The following KDM5A variants were observed in gnomAD, a reference collection of about 807,000 sequenced individuals.
KDM5A encodes the protein lysine demethylase 5A, also known as lysine-specific demethylase 5A.
In KDM5A, 42 loss-of-function variants were observed where a neutral mutation model predicts 193.5. That is an observed-to-expected ratio of 0.22 (90% CI 0.17 to 0.28). The LOEUF is 0.28. Ranked by LOEUF, KDM5A falls within the 10% of genes least tolerant of loss-of-function variation. The pLI is 1.00. For synonymous variants in KDM5A, 796 were observed against 718.1 expected (o/e 1.11, Z -1.73); for missense variants, 1,692 against 2,055.1 (o/e 0.82, Z 3.42).
chr12:356,948 T>C (rs1438639792), intron 5 of KDM5A, among the ~76,000 whole-genome samples: 1 of 152,088 alleles, frequency 6.6e-6, no homozygotes, highest in Non-Finnish European at 1.5e-5. Context: ...CATTAAAAAA[T>C]TGTACTGGAA....
intron 24 of KDM5A, 90 bp downstream of exon 24, chr12:306,856 G>T (rs2137386104): frequency 8.2e-7 from 1 of 1,212,948 alleles, no homozygotes; most frequent in Non-Finnish European, 1.2e-6. Flanking sequence ...TCACTTTCAG[G>T]CCTCAAACAT....
intron 14 of KDM5A, among the ~76,000 whole-genome samples, chr12:327,428 G>C (rs932540602): frequency 6.6e-6 from 1 of 152,180 alleles, no homozygotes; most frequent in African/African-American, 2.4e-5. Flanking sequence ...TACAAGTATA[G>C]GCCGGGCACA....
At chr12:342,074 T>C (rs960821721) in intron 10 of KDM5A, among the ~76,000 whole-genome samples, 5 of 152,184 alleles carry the variant, frequency 3.3e-5, no homozygotes, top group African/African-American at 1.2e-4. Flanking sequence ...AATTATATGC[T>C]ATCTACAAGA....
In KDM5A at chr12:323,102, G is replaced by A. The variant is rs1438561587; in HGVS notation, c.2255C>T (p.Ala752Val). The change falls in exon 16 of 28, where the codon GCT becomes GTT. Residue 752 changes from alanine to valine, a missense_variant. By Grantham distance (64) the Ala-to-Val change is moderately conservative (BLOSUM62 0). Transcript: ENST00000399788. Reference sequence around the variant, plus strand: ...TTAACCTTTTTTGTGGTTGAAGTTAGCAGACAATGCTTCTGTAACACGACT... The same window carrying A: ...TTAACCTTTTTTGTGGTTGAAGTTAACAGACAATGCTTCTGTAACACGACT... ...WVSRVTEALS[A>V]NFNHKKDLIE... 6.2e-7 allele frequency: 1 copy of A among 1,604,362 alleles called. No individual in the cohort carries two copies. Among genetic ancestry groups the A allele is most frequent in the Non-Finnish European group, 8.5e-7 (1 of 1,175,760 alleles).
intron 24 of KDM5A, among the ~76,000 whole-genome samples, chr12:304,315 G>T (rs1943477949): frequency 6.6e-6 from 1 of 152,010 alleles, no homozygotes; most frequent in African/African-American, 2.4e-5. Context: ...TTTAAGTTAT[G>T]AATTTATGGT....
At chr12:292,171 T>G (rs1430220991) in intron 27 of KDM5A, among the ~76,000 whole-genome samples, 1 of 152,344 alleles carries the variant, frequency 6.6e-6, no homozygotes, top group East Asian at 1.9e-4. Flanking sequence ...CCCAAAGTGC[T>G]GGGATTACAG....
chr12:337,233 T>C (rs183244691), intron 10 of KDM5A, among the ~76,000 whole-genome samples: 2 of 152,344 alleles, frequency 1.3e-5, no homozygotes, highest in African/African-American at 4.8e-5. Flanking sequence ...CCATGCTACC[T>C]GTTCAGCCTG....
chr12:308,125 G>GC (rs1943536013), intron 22 of KDM5A, 120 bp from the exon 23 acceptor site: 21 of 1,153,778 alleles, frequency 1.8e-5, no homozygotes, highest in Non-Finnish European at 2.3e-5. Flanking sequence ...TTCCTAAAAT[G>GC]TGGGGCCCCT....
intron 10 of KDM5A, among the ~76,000 whole-genome samples, chr12:341,110 TA>T (rs1386411034): frequency 2.0e-5 from 3 of 152,180 alleles, no homozygotes; most frequent in African/African-American, 7.2e-5. Context: ...TCAGAAAATG[TA>T]AATATCTGCT....
intron 6 of KDM5A, among the ~76,000 whole-genome samples, chr12:355,709 G>A (rs1172683519): frequency 1.3e-5 from 2 of 152,182 alleles, no homozygotes; most frequent in Admixed American, 6.5e-5. Flanking sequence ...GATGTTTTAA[G>A]AGAGATGGAA....
intron 12 of KDM5A, 93 bp downstream of exon 12, chr12:333,393 TG>T (rs1943887056): frequency 2.9e-6 from 4 of 1,402,276 alleles, no homozygotes; most frequent in Non-Finnish European, 4.0e-6. Flanking sequence ...CACTCCAGCC[TG>T]GGCAACAGAG....
intron 26 of KDM5A, among the ~76,000 whole-genome samples, chr12:294,987 C>T (rs976786627): frequency 6.6e-6 from 1 of 152,142 alleles, no homozygotes; most frequent in African/African-American, 2.4e-5. Flanking sequence ...TGGACCTTCT[C>T]TCCCCCCCAG....
intron 27 of KDM5A, among the ~76,000 whole-genome samples, chr12:289,246 T>C (rs1006651025): frequency 6.6e-6 from 1 of 152,144 alleles, no homozygotes; most frequent in African/African-American, 2.4e-5. Context: ...AGAAAAATAC[T>C]ACTTAAATTA....
chr12:298,138 C>A (rs1943397167), intron 24 of KDM5A, among the ~76,000 whole-genome samples: 1 of 152,156 alleles, frequency 6.6e-6, no homozygotes, highest in South Asian at 2.1e-4. Context: ...CTTAAATGTC[C>A]CTGCCTGACG....
chr12:369,888 G>A (rs1162136290), intron 3 of KDM5A, among the ~76,000 whole-genome samples: 1 of 152,206 alleles, frequency 6.6e-6, no homozygotes, highest in African/African-American at 2.4e-5. Flanking sequence ...ACACCTGCAT[G>A]GATCCAGTCA....
chr12:301,834 T>C (rs1052558228), intron 24 of KDM5A, among the ~76,000 whole-genome samples: 14 of 152,044 alleles, frequency 9.2e-5, no homozygotes, highest in Admixed American at 3.3e-4. Flanking sequence ...TCTCAGCATA[T>C]AAAATCAATG....
chr12:334,248 A>G lies in KDM5A; in HGVS notation c.1483T>C (p.Leu495=), dbSNP rs1943897789. Residue 495 remains leucine (L), a synonymous_variant, in exon 11 of 28, where the codon TTG becomes CTG. Coordinates refer to ENST00000399788, the MANE Select transcript of KDM5A (RefSeq NM_001042603.3). ...ATTTTAGACTGTACATACCAGTGCA[A>G]GTAGTTGATGGAATAACTCCAGTGA... ...EDHWSYSINY[L]HWGEPKTWYG... 6.2e-7 allele frequency: 1 copy of G among 1,613,906 alleles called. No homozygotes were observed. The highest frequency in any genetic ancestry group is 8.5e-7 in the Non-Finnish European group (1 of 1,179,866).
chr12:310,344 T>A (rs868504828), intron 21 of KDM5A, among the ~76,000 whole-genome samples: 1 of 152,154 alleles, frequency 6.6e-6, no homozygotes, highest in Non-Finnish European at 1.5e-5. Context: ...GATCTTTCAA[T>A]GATAGGCTGG....
rs1414679258 is a variant in KDM5A at position 283,816 on chromosome 12, T to C, written c.*1640A>G. The C allele has an allele frequency of 8.6e-6, 2 of 233,246 alleles. No individual in the cohort carries two copies. The highest frequency in any genetic ancestry group is 1.2e-4 in the East Asian group (2 of 16,546). 14.4% of individuals were successfully genotyped at this position (233,246 alleles called of 1,614,324 possible). On this transcript the variant is annotated 3_prime_UTR_variant, in exon 28 of 28. Coordinates refer to ENST00000399788, the MANE Select transcript of KDM5A (RefSeq NM_001042603.3). ...CAAAACACTATTTTTAGTCATTTTT[T>C]TTTTTGTCCTTTAAAAAAAAATTAG...
Sources: gnomAD v4.1 joint callset for allele counts (sites outside exome capture counted in the v4.1 genomes callset) on GRCh38, gnomAD v4.1.1 for gene constraint, MANE v1.5 for transcripts, NCBI Gene and HGNC (gene_info 2026-07-23, HGNC 2026-07-21) for gene names.